HCN1: variants seen among roughly 807,000 people sequenced by gnomAD.
HCN1 encodes potassium/sodium hyperpolarization-activated cyclic nucleotide-gated channel 1.
In HCN1, 13 loss-of-function variants were observed where a neutral mutation model predicts 78.9. That is an observed-to-expected ratio of 0.16 (90% CI 0.11 to 0.26). The LOEUF (loss-of-function observed/expected upper bound fraction) is 0.26, where lower values mean the gene tolerates loss of function less well. Ranked by LOEUF, HCN1 falls within the 10% of genes least tolerant of loss-of-function variation. The pLI, the probability that HCN1 is intolerant of heterozygous loss-of-function variation, is 1.00. For missense variants in HCN1, 810 were observed against 1,154.3 expected, an observed-to-expected ratio of 0.70 and a Z score of 4.32; for synonymous variants, 552 against 455.5, an observed-to-expected ratio of 1.21 and a Z score of -2.70.
At chr5:45,448,412 T>A (rs902683547) in intron 3 of HCN1, among the ~76,000 whole-genome samples, 1 of 152,230 alleles carries the variant, frequency 6.6e-6, no homozygotes, top group Non-Finnish European at 1.5e-5. Flanking sequence ...TCCACTAACA[T>A]TCTGTCATTT....
At chr5:45,399,319 C>CTG (rs559414793) in intron 3 of HCN1, among the ~76,000 whole-genome samples, 2 of 152,336 alleles carry the variant, frequency 1.3e-5, no homozygotes, top group South Asian at 4.1e-4. Context: ...AGGCCTGAAT[C>CTG]TGTGTGTGTG....
At chr5:45,407,757 G>C (rs1168989701) in intron 3 of HCN1, among the ~76,000 whole-genome samples, 2 of 152,040 alleles carry the variant, frequency 1.3e-5, no homozygotes, top group African/African-American at 4.8e-5. Context: ...TGATCTACCT[G>C]CCTCAGCCTC....
intron 2 of HCN1, among the ~76,000 whole-genome samples, chr5:45,583,419 CTTCT>C (rs1208457905): frequency 2.0e-5 from 3 of 151,934 alleles, no homozygotes; most frequent in Admixed American, 6.6e-5. Context: ...TCTCTCTTTT[CTTCT>C]TTATTAGTCT....
chr5:45,658,647 G>T (rs868240748), intron 1 of HCN1, among the ~76,000 whole-genome samples: 1 of 151,644 alleles, frequency 6.6e-6, no homozygotes, highest in Non-Finnish European at 1.5e-5. Context: ...CCTGGGAAGC[G>T]CAAGGGGTCA....
intron 2 of HCN1, among the ~76,000 whole-genome samples, chr5:45,503,486 A>G (rs1742231271): frequency 6.6e-6 from 1 of 152,176 alleles, no homozygotes; most frequent in Non-Finnish European, 1.5e-5. Context: ...TTTAATTCTA[A>G]TTAGAAAAAA....
At chr5:45,613,111 G>C (rs555896066) in intron 2 of HCN1, among the ~76,000 whole-genome samples, 2 of 150,328 alleles carry the variant, frequency 1.3e-5, no homozygotes, top group Non-Finnish European at 3.0e-5. Flanking sequence ...CCACTAACTC[G>C]TCATCTAGCA....
chr5:45,535,202 T>C (rs1439235021), intron 2 of HCN1, among the ~76,000 whole-genome samples: 2 of 152,326 alleles, frequency 1.3e-5, no homozygotes, highest in South Asian at 2.1e-4. Context: ...CTAGGGACTA[T>C]CTTATAACAC....
chr5:45,368,821 T>G (rs1579844366), intron 4 of HCN1, among the ~76,000 whole-genome samples: 1 of 152,120 alleles, frequency 6.6e-6, no homozygotes, highest in South Asian at 2.1e-4. Flanking sequence ...CAGCAAATTT[T>G]ATTAGATGTA....
Position 45,256,467 on chromosome 5 carries a change from G to A in HCN1, c.*5454C>T, listed in dbSNP as rs1200914820. 2 of 151,526 alleles carry A rather than the reference G, an allele frequency of 1.3e-5. No homozygotes were observed. Among genetic ancestry groups the A allele is most frequent in the African/African-American group, 4.8e-5 (2 of 41,260 alleles). 9.4% of individuals were successfully genotyped at this position (151,526 alleles called of 1,614,324 possible). A position where few individuals can be genotyped will look rare whatever the true frequency, so the allele number is the denominator to read the frequency against. ...ATAGCTCCAAAGAATGTTCACCTTT[G>A]CCACTCTTTGGAGCGTGTGTGATAT... On this transcript the variant is annotated 3_prime_UTR_variant, in exon 8 of 8. Transcript: ENST00000303230.
chr5:45,305,466 G>C (rs1208771577), intron 5 of HCN1, among the ~76,000 whole-genome samples: 1 of 152,074 alleles, frequency 6.6e-6, no homozygotes, highest in Non-Finnish European at 1.5e-5. Flanking sequence ...TAGCAGCAAA[G>C]ACAAGAGAAA....
chr5:45,645,692 G>A lies in HCN1; in HGVS notation c.426-84C>T, dbSNP rs569030636. ...CATGAAAAATTATTACTGATATATA[G>A]TGAGATCAATAAGTAAAAGAACAAA... On this transcript the variant is annotated intron_variant, in intron 1 of 7. Transcript: ENST00000303230. The A allele has an allele frequency of 9.5e-6, 7 of 737,168 alleles. No homozygotes were observed. The African/African-American group carries it at 1.1e-4, about 11-fold the overall frequency. 45.7% of individuals were successfully genotyped at this position (737,168 alleles called of 1,614,324 possible). A position where few individuals can be genotyped will look rare whatever the true frequency, so the allele number is the denominator to read the frequency against.
chr5:45,657,213 CCAGTA>C (rs1156512526), intron 1 of HCN1, among the ~76,000 whole-genome samples: 2 of 152,116 alleles, frequency 1.3e-5, no homozygotes, highest in Non-Finnish European at 2.9e-5. Context: ...AGCAGAACTG[CCAGTA>C]TAGTGAGAAA....
At chr5:45,610,778 A>C (rs187175371) in intron 2 of HCN1, among the ~76,000 whole-genome samples, 75 of 151,814 alleles carry the variant, frequency 4.9e-4, no homozygotes, top group African/African-American at 1.6e-3. Flanking sequence ...CACACTTACT[A>C]TGTTTTGTAA....
At chr5:45,684,297 G>A (rs1242075217) in intron 1 of HCN1, among the ~76,000 whole-genome samples, 8 of 152,050 alleles carry the variant, frequency 5.3e-5, no homozygotes, top group Non-Finnish European at 1.5e-5. Flanking sequence ...ATAGCCAATA[G>A]AATTATGGGA....
At chr5:45,689,334 G>T (rs530478592) in intron 1 of HCN1, among the ~76,000 whole-genome samples, 1 of 152,012 alleles carries the variant, frequency 6.6e-6, no homozygotes, top group Non-Finnish European at 1.5e-5. Context: ...AGAAAGTTTG[G>T]CAAGAAAAGT....
chr5:45,621,857 G>A (rs1745068465), intron 2 of HCN1, among the ~76,000 whole-genome samples: 1 of 152,048 alleles, frequency 6.6e-6, no homozygotes, highest in Admixed American at 6.6e-5. Context: ...AAGCATTTGA[G>A]TATTAACATT....
At chr5:45,441,570 T>A in intron 3 of HCN1, among the ~76,000 whole-genome samples, 1 of 152,234 alleles carries the variant, frequency 6.6e-6, no homozygotes, top group East Asian at 1.9e-4. Flanking sequence ...CAGTCCAGCC[T>A]GGACACCATA....
chr5:45,525,254 A>G (rs1430810534), intron 2 of HCN1, among the ~76,000 whole-genome samples: 1 of 152,034 alleles, frequency 6.6e-6, no homozygotes, highest in Non-Finnish European at 1.5e-5. Context: ...ATTATTTAAG[A>G]CAATGAACAC....
chr5:45,528,253 C>T (rs963169351), intron 2 of HCN1, among the ~76,000 whole-genome samples: 39 of 151,862 alleles, frequency 2.6e-4, no homozygotes, highest in Admixed American at 2.0e-3. Flanking sequence ...CTGATGTGTA[C>T]TTATAAATTA....
Sources: gnomAD v4.1 joint callset for allele counts (sites outside exome capture counted in the v4.1 genomes callset) on GRCh38, gnomAD v4.1.1 for gene constraint, MANE v1.5 for transcripts, NCBI Gene and HGNC (gene_info 2026-07-23, HGNC 2026-07-21) for gene names.